Variants in DHX9 observed in about 807,000 individuals in gnomAD.
The protein encoded by DHX9 is DExH-box helicase 9.
Under a neutral mutation model 148.7 loss-of-function variants are expected in DHX9, and 27 were observed. The observed-to-expected ratio is 0.18, with a 90% CI of 0.13 to 0.25. The LOEUF (loss-of-function observed/expected upper bound fraction) is 0.25. Among genes scored for constraint, DHX9 ranks in the 10% least tolerant of loss-of-function variants. The probability of loss-of-function intolerance (pLI) is 1.00; values close to 1 mark genes in which losing one functional copy is unlikely to be tolerated. For missense variants in DHX9, 796 were observed against 1,559.6 expected (o/e 0.51, Z 8.25); for synonymous variants, 529 against 516.6 (o/e 1.02, Z -0.33).
intron 1 of DHX9, among the ~76,000 whole-genome samples, chr1:182,841,918 A>T (rs1208841923): frequency 1.3e-5 from 2 of 152,250 alleles, no homozygotes; most frequent in Non-Finnish European, 2.9e-5. Flanking sequence ...TACCGTCTTC[A>T]GTACTGAGTG....
At chr1:182,871,499 A>G (rs1231608169) in intron 14 of DHX9, among the ~76,000 whole-genome samples, 4 of 152,218 alleles carry the variant, frequency 2.6e-5, no homozygotes, top group Non-Finnish European at 2.9e-5. Context: ...TACATACCCT[A>G]TAGCTTGGCA....
At chr1:182,879,168 C>T (rs1201964601) in intron 20 of DHX9, 82 bp from the exon 21 acceptor site, 19 of 1,171,424 alleles carry the variant, frequency 1.6e-5, no homozygotes, top group Middle Eastern at 6.5e-4. Flanking sequence ...GCTCTGTATC[C>T]CTGATTACCT....
intron 21 of DHX9, 119 bp downstream of exon 21, chr1:182,879,529 A>AATAATAGTAAG: frequency 1.0e-6 from 1 of 968,104 alleles, no homozygotes; most frequent in East Asian, 2.9e-5. Flanking sequence ...GGGCTGTGAT[A>AATAATAGTAAG]ATAATAGTAA....
intron 5 of DHX9, 71 bp downstream of exon 5, chr1:182,853,489 T>C: frequency 8.6e-7 from 1 of 1,156,782 alleles, no homozygotes; most frequent in Non-Finnish European, 1.3e-6. Flanking sequence ...AAGCTTAGGA[T>C]TAGGATATTC....
chr1:182,855,650 A>G, intron 6 of DHX9: 1 of 985,496 alleles, frequency 1.0e-6, no homozygotes, highest in Non-Finnish European at 1.2e-6. Context: ...TCATTAATGA[A>G]AGGGTGGATG....
chr1:182,887,077 T>TC lies in DHX9; in HGVS notation c.3462-4dup. 1 of 1,610,862 alleles carries TC rather than the reference T, an allele frequency of 6.2e-7. No homozygotes were observed. Among genetic ancestry groups the TC allele is most frequent in the Non-Finnish European group, 8.5e-7 (1 of 1,177,110 alleles). The stretch of plus-strand genomic sequence containing the variant: ...TGCTAAAGTGATGGTTTTGTGCTTT[T>TC]CCTAGGTATGGAGATGGTCCACGTC... On this transcript the variant is annotated splice_polypyrimidine_tract_variant and splice_region_variant and intron_variant, in intron 27 of 27. Coordinates refer to ENST00000367549, the MANE Select transcript of DHX9 (RefSeq NM_001357.5).
chr1:182,859,553 A>T (rs1265989238), intron 11 of DHX9, among the ~76,000 whole-genome samples: 27 of 152,146 alleles, frequency 1.8e-4, no homozygotes, highest in Non-Finnish European at 1.5e-5. Context: ...TGAAAAAAAC[A>T]TTTTCATCAC....
rs551242050 is a variant in DHX9, at chr1:182,863,429, C to T, written c.1333-3015C>T. 9.9e-5 allele frequency among the ~76,000 whole-genome samples: 15 copies of T among 152,158 alleles called. No individual in the cohort carries two copies. In the East Asian group the frequency reaches 2.1e-3, roughly 22 times the overall value. ...TTTTTACTGTTATATTACACAAATACGATTTCTAGATGTCTCTGTGTTCTT... is the reference window on the plus strand; with the variant it reads ...TTTTTACTGTTATATTACACAAATATGATTTCTAGATGTCTCTGTGTTCTT... On this transcript the variant is annotated intron_variant, in intron 12 of 27. Transcript: ENST00000367549.
At chr1:182,876,384 A>G in intron 17 of DHX9, 63 bp from the exon 18 acceptor site, 1 of 1,569,108 alleles carries the variant, frequency 6.4e-7, no homozygotes, top group South Asian at 1.1e-5. Flanking sequence ...AATATGTATA[A>G]TGGAGAGCTG....
intron 3 of DHX9, among the ~76,000 whole-genome samples, chr1:182,843,639 C>T (rs1228924084): frequency 6.6e-6 from 1 of 152,098 alleles, no homozygotes; most frequent in Non-Finnish European, 1.5e-5. Context: ...GTCTTAGGGG[C>T]TTGAGAAATT....
intron 14 of DHX9, among the ~76,000 whole-genome samples, chr1:182,871,063 ATAT>A (rs1648534824): frequency 1.3e-5 from 2 of 152,288 alleles, no homozygotes; most frequent in Admixed American, 6.5e-5. Flanking sequence ...AAAGATCAAT[ATAT>A]TATTCTATAT....
intron 14 of DHX9, among the ~76,000 whole-genome samples, chr1:182,869,683 T>C (rs1648477023): frequency 2.0e-5 from 3 of 152,368 alleles, no homozygotes; most frequent in South Asian, 4.1e-4. Context: ...GCATCTCAGC[T>C]CACTGCAACC....
chr1:182,866,432 T>C lies in DHX9; in HGVS notation c.1333-12T>C, dbSNP rs774759805. 1 of 1,611,082 alleles carries C rather than the reference T, an allele frequency of 6.2e-7. No homozygotes were observed. Among genetic ancestry groups the C allele is most frequent in the East Asian group, 2.2e-5 (1 of 44,844 alleles). On this transcript the variant is annotated splice_polypyrimidine_tract_variant and intron_variant, in intron 12 of 27. Coordinates refer to ENST00000367549, the MANE Select transcript of DHX9 (RefSeq NM_001357.5). ...GTAGTTGTTAAGTCACTTTTCTTTT[T>C]TTCTGTCTCAGCCCAGAAGAATCAG... is the stretch of plus-strand genomic sequence containing the variant.
rs1468959354 is a variant in DHX9 at position 182,883,642 on chromosome 1, A to G, written c.3260+7A>G. 1 of 1,594,840 alleles carries G rather than the reference A, an allele frequency of 6.3e-7. No individual in the cohort carries two copies. The highest frequency in any genetic ancestry group is 1.7e-5 in the Admixed American group (1 of 59,916). On this transcript the variant is annotated splice_region_variant and intron_variant, in intron 26 of 27. Transcript: ENST00000367549. ...TTGTGCTTGTAGATGACTGGTATGG[A>G]TTTTCAGATGTGAACTCCAAACTGA...
rs956548761 is a variant in DHX9 at position 182,883,305 on chromosome 1, T to C, written c.3081T>C (p.Val1027=). The stretch of plus-strand genomic sequence containing the variant: ...ATGCACTTATCCACAAATCATCTGT[T>C]AATTGTCCTTTTAGTAGCCAAGACA... ...GRNALIHKSS[V]NCPFSSQDMK... is the part of the protein sequence containing the mutation. Residue 1027 remains valine (V), a synonymous_variant, in exon 25 of 28, where the codon GTT becomes GTC. Transcript: ENST00000367549. The C allele has an allele frequency of 7.4e-6, 12 of 1,614,094 alleles. No homozygotes were observed. In the African/African-American group the frequency reaches 1.6e-4, roughly 22 times the overall value.
chr1:182,883,463 C>T lies in DHX9; in HGVS notation c.3145-57C>T, dbSNP rs1002012961. 5.1e-6 allele frequency: 8 copies of T among 1,567,630 alleles called. No individual in the cohort carries two copies. In the South Asian group the frequency reaches 5.5e-5, roughly 11 times the overall value. ...TTGATTTTCAAAGCACAGTATATAG[C>T]GGTATTTGGAAGTTGGAATGTCAAC... On this transcript the variant is annotated intron_variant, in intron 25 of 27. Coordinates refer to ENST00000367549, the MANE Select transcript of DHX9 (RefSeq NM_001357.5).
In DHX9 at chr1:182,842,540, C is replaced by T. The variant is rs748306897; in HGVS notation, c.-22-5C>T. 6.4e-7 allele frequency: 1 copy of T among 1,562,962 alleles called. No homozygotes were observed. The highest frequency in any genetic ancestry group is 1.4e-5 in the African/African-American group (1 of 73,098). On this transcript the variant is annotated splice_polypyrimidine_tract_variant and splice_region_variant and intron_variant, in intron 1 of 27. Transcript: ENST00000367549. ...GCTGTTTTTAACTGACTTTTGTTTTCTTAGATCTGAAGAAGACACTTGAAT... is the reference window on the plus strand; with the variant it reads ...GCTGTTTTTAACTGACTTTTGTTTTTTTAGATCTGAAGAAGACACTTGAAT...
In DHX9 at chr1:182,859,043, A is replaced by C. The variant is rs1316255457; in HGVS notation, c.1066A>C (p.Thr356Pro). ...ATGTTGGCTTTTTGTTTTACAGGCT[A>C]CTCCAGAGCAAATAAGCATGGACCT... Reference protein sequence around the residue: ...NIDEGPLAFATPEQISMDLKN... With the variant: ...NIDEGPLAFAPPEQISMDLKN... Residue 356 changes from threonine (T) to proline (P), a missense_variant, in exon 11 of 28, where the codon ACT (threonine) becomes CCT (proline). Around this residue, in one of 14 missense-constraint regions of DHX9, gnomAD observed 11 missense variants for 42.5 expected, o/e 0.26. Transcript: ENST00000367549. The C allele has an allele frequency of 6.2e-7, 1 of 1,613,914 alleles. No homozygotes were observed. The highest frequency in any genetic ancestry group is 8.5e-7 in the Non-Finnish European group (1 of 1,179,978).
intron 14 of DHX9, among the ~76,000 whole-genome samples, chr1:182,871,363 A>G (rs980181913): frequency 1.3e-5 from 2 of 152,244 alleles, no homozygotes; most frequent in Non-Finnish European, 2.9e-5. Context: ...TTTAATAAAA[A>G]GTGACACTAA....
Sources: gnomAD v4.1 joint callset for allele counts (sites outside exome capture counted in the v4.1 genomes callset) on GRCh38, gnomAD v4.1.1 for gene constraint, gnomAD v4.1.1 regional missense constraint, MANE v1.5 for transcripts, NCBI Gene and HGNC (gene_info 2026-07-23, HGNC 2026-07-21) for gene names.